The following IL7 variants were observed in gnomAD, a reference collection of about 807,000 sequenced individuals.
IL7 encodes interleukin-7.
A neutral mutation model predicts 21.6 loss-of-function variants in IL7; 3 were observed. The ratio of observed to expected loss-of-function variants is 0.14; its 90% CI spans 0.06 to 0.36. The LOEUF (loss-of-function observed/expected upper bound fraction) is 0.36. Ranked by LOEUF, IL7 falls within the 10% of genes least tolerant of loss-of-function variation. The pLI is 1.00. For missense variants in IL7, 175 were observed against 200.2 expected, an observed-to-expected ratio of 0.87 and a Z score of 0.76; for synonymous variants, 62 against 68.1, an observed-to-expected ratio of 0.91 and a Z score of 0.44.
intron 2 of IL7, chr8:78,747,037 G>A (rs1182442684): frequency 2.2e-6 from 1 of 456,430 alleles, no homozygotes; most frequent in East Asian, 7.0e-5. Context: ...TCTAATTATT[G>A]CTCATAGCTG....
chr8:78,715,355 A>T (rs754643754), downstream of IL7: 28 of 1,569,924 alleles, frequency 1.8e-5, no homozygotes, highest in Admixed American at 3.7e-5. Flanking sequence ...TCTCCCAATA[A>T]CTAAAATAAA....
At chr8:78,687,932 T>G (rs1402862794) in intron 3 of IL7, among the ~76,000 whole-genome samples, 1 of 143,156 alleles carries the variant, frequency 7.0e-6, no homozygotes, top group African/African-American at 2.5e-5. Context: ...TATTTATATC[T>G]ATATTTTTAT....
chr8:78,762,506 G>T (rs1268848961), intron 2 of IL7: 1 of 1,159,628 alleles, frequency 8.6e-7, no homozygotes, highest in African/African-American at 1.6e-5. Context: ...CGTCGGGGCC[G>T]GGGAGGGGAG....
downstream of IL7, among the ~76,000 whole-genome samples, chr8:78,731,267 T>C (rs1458583839): frequency 6.6e-6 from 1 of 152,030 alleles, no homozygotes; most frequent in Non-Finnish European, 1.5e-5. Context: ...TAAAATACTT[T>C]TAACCGTAAC....
At chr8:78,749,490 C>T (rs1812096118) in intron 2 of IL7, among the ~76,000 whole-genome samples, 1 of 151,930 alleles carries the variant, frequency 6.6e-6, no homozygotes, top group East Asian at 1.9e-4. Flanking sequence ...GAGAGGATCC[C>T]CAAATTAGAG....
intron 3 of IL7, chr8:78,711,899 C>T: frequency 1.4e-6 from 1 of 715,356 alleles, no homozygotes; most frequent in Admixed American, 2.7e-5. Context: ...GAGTAGATAT[C>T]TGATGAACCA....
At chr8:78,684,339 A>T (rs574317108) in intron 4 of IL7, among the ~76,000 whole-genome samples, 1 of 152,372 alleles carries the variant, frequency 6.6e-6, no homozygotes, top group South Asian at 2.1e-4. Context: ...GGCACATCTT[A>T]CATGATGGCA....
intron 2 of IL7, among the ~76,000 whole-genome samples, chr8:78,778,709 AT>A (rs1283748354): frequency 6.6e-6 from 1 of 151,988 alleles, no homozygotes; most frequent in African/African-American, 2.4e-5. Context: ...TTTGCTTAGG[AT>A]TGTCTTGACA....
In IL7 at chr8:78,691,892, A is replaced by T. The variant is rs188863815; in HGVS notation, n.215-5945T>A. Among the ~76,000 whole-genome samples, 1,441 of 152,198 alleles carry T rather than the reference A, an allele frequency of 9.5e-3. 10 individuals are homozygous for T. Among genetic ancestry groups the T allele is most frequent in the Non-Finnish European group, 0.016 (1,082 of 68,000 alleles). On this transcript the variant is annotated intron_variant and non_coding_transcript_variant, in intron 3 of 4. Transcript: ENST00000523959. ...GTTATACTTACTGCCTTATTTATAT[A>T]TTTATTGAAATTGTAAACGTGCAGA...
chr8:78,756,589 C>A (rs1285989055), intron 2 of IL7, among the ~76,000 whole-genome samples: 2 of 151,794 alleles, frequency 1.3e-5, no homozygotes, highest in Non-Finnish European at 2.9e-5. Context: ...GCTAGGTTTT[C>A]CAATTTGTTA....
intron 2 of IL7, among the ~76,000 whole-genome samples, chr8:78,794,446 C>T (rs1378099142): frequency 6.6e-6 from 1 of 152,108 alleles, no homozygotes; most frequent in Non-Finnish European, 1.5e-5. Context: ...AACTTAAAGT[C>T]ACCAGCTGCA....
intron 3 of IL7, chr8:78,689,353 C>G: frequency 1.9e-6 from 3 of 1,595,762 alleles, no homozygotes; most frequent in Non-Finnish European, 2.6e-6. Context: ...CAAAGGAAAA[C>G]CAACTTCTCG....
intron 2 of IL7, among the ~76,000 whole-genome samples, chr8:78,796,232 A>G (rs191446251): frequency 6.6e-6 from 1 of 152,158 alleles, no homozygotes; most frequent in Non-Finnish European, 1.5e-5. Context: ...AGGTTGCAGG[A>G]CATAGGTTAA....
At chr8:78,773,880 G>A (rs1813045390) in intron 2 of IL7, among the ~76,000 whole-genome samples, 1 of 152,116 alleles carries the variant, frequency 6.6e-6, no homozygotes, top group Non-Finnish European at 1.5e-5. Context: ...AAAATCAGAA[G>A]GAAGGCTGTC....
intron 3 of IL7, among the ~76,000 whole-genome samples, chr8:78,710,921 T>G (rs993027260): frequency 6.6e-6 from 1 of 152,100 alleles, no homozygotes; most frequent in African/African-American, 2.4e-5. Context: ...ATTAATAAAA[T>G]GTGTCCCTCC....
intron 4 of IL7, chr8:78,678,583 C>T (rs754655906): frequency 1.2e-6 from 2 of 1,610,656 alleles, no homozygotes; most frequent in Admixed American, 1.7e-5. Flanking sequence ...GACCCATTTG[C>T]CAGAAGACTG....
intron 4 of IL7, among the ~76,000 whole-genome samples, chr8:78,679,883 T>C (rs896472712): frequency 1.3e-5 from 2 of 152,172 alleles, no homozygotes; most frequent in African/African-American, 2.4e-5. Flanking sequence ...TAAATCAATA[T>C]ATGACGTTTT....
At chr8:78,737,466 A>G (rs73251615) in intron 4 of IL7, among the ~76,000 whole-genome samples, 2,546 of 152,226 alleles carry the variant, frequency 0.017, 40 homozygotes, top group Middle Eastern at 0.061. Flanking sequence ...TTTATAGAAA[A>G]AAAAAGTAGA....
chr8:78,736,177 T>G (rs1246378511), intron 5 of IL7, among the ~76,000 whole-genome samples: 2 of 151,812 alleles, frequency 1.3e-5, no homozygotes, highest in Non-Finnish European at 2.9e-5. Flanking sequence ...CTATATAAAT[T>G]ATTTGTTCAT....
Sources: gnomAD v4.1 joint callset for allele counts (sites outside exome capture counted in the v4.1 genomes callset) on GRCh38, gnomAD v4.1.1 for gene constraint, MANE v1.5 for transcripts, NCBI Gene and HGNC (gene_info 2026-07-23, HGNC 2026-07-21) for gene names.